Variants in NRG1 observed in about 807,000 individuals in gnomAD.
NRG1 encodes pro-neuregulin-1, membrane-bound isoform.
NRG1 carries 18 observed loss-of-function variants against 63.8 expected under a neutral mutation model. The observed-to-expected ratio is 0.28, with a 90% CI of 0.19 to 0.42. NRG1 has a LOEUF of 0.42. NRG1 is among the 10% of genes least tolerant of loss of function. NRG1 has a pLI of 1.00. For missense variants in NRG1, 762 were observed against 814.7 expected (o/e 0.94, Z 0.79); for synonymous variants, 302 against 301.3 (o/e 1.00, Z -0.02).
At chr8:31,729,518 G>A (rs2131345914) in intron 1 of NRG1, among the ~76,000 whole-genome samples, 1 of 152,136 alleles carries the variant, frequency 6.6e-6, no homozygotes, top group South Asian at 2.1e-4. Context: ...ACCACTGAAT[G>A]TAAACAAGCT....
chr8:31,780,102 G>C (rs1473553458), intron 1 of NRG1, among the ~76,000 whole-genome samples: 1 of 152,180 alleles, frequency 6.6e-6, no homozygotes, highest in Non-Finnish European at 1.5e-5. Flanking sequence ...CTGATGATGA[G>C]TCTTTATAAA....
chr8:32,696,650 A>AT (rs1813369464), intron 5 of NRG1, among the ~76,000 whole-genome samples: 1 of 139,966 alleles, frequency 7.1e-6, no homozygotes, highest in Non-Finnish European at 1.5e-5. Context: ...ATACAATATA[A>AT]TCTATCTTTT....
intron 1 of NRG1, among the ~76,000 whole-genome samples, chr8:32,257,675 T>C (rs1215865213): frequency 6.6e-6 from 1 of 152,164 alleles, no homozygotes; most frequent in Non-Finnish European, 1.5e-5. Flanking sequence ...AACTCTTGAT[T>C]TCCACTCCTA....
At chr8:32,721,152 C>G (rs890927299) in intron 5 of NRG1, among the ~76,000 whole-genome samples, 33 of 152,280 alleles carry the variant, frequency 2.2e-4, no homozygotes, top group African/African-American at 7.9e-4. Flanking sequence ...CCCCTGTGCA[C>G]TTTTGTGAAT....
At chr8:32,153,924 T>G (rs1482739581) in intron 1 of NRG1, among the ~76,000 whole-genome samples, 3 of 152,196 alleles carry the variant, frequency 2.0e-5, no homozygotes, top group Admixed American at 6.5e-5. Flanking sequence ...CCCTGACTAT[T>G]GAGCTTCCCG....
chr8:32,604,585 C>T (rs1047127438), intron 2 of NRG1, among the ~76,000 whole-genome samples: 5 of 152,052 alleles, frequency 3.3e-5, no homozygotes, highest in African/African-American at 1.2e-4. Context: ...AGATAGGGGT[C>T]TCACCCTGCT....
At chr8:32,721,753 T>C in intron 5 of NRG1, 3 of 1,085,666 alleles carry the variant, frequency 2.8e-6, no homozygotes, top group Non-Finnish European at 3.5e-6. Context: ...TGAGCCTGGC[T>C]CTGAACCTTT....
At chr8:31,777,019 C>T (rs1429421841) in intron 1 of NRG1, among the ~76,000 whole-genome samples, 3 of 152,122 alleles carry the variant, frequency 2.0e-5, no homozygotes, top group Non-Finnish European at 4.4e-5. Context: ...ACTAGAAATA[C>T]ACGTATGTTT....
intron 1 of NRG1, among the ~76,000 whole-genome samples, chr8:32,140,553 C>T (rs1836116233): frequency 6.6e-6 from 1 of 151,898 alleles, no homozygotes; most frequent in Admixed American, 6.6e-5. Context: ...GTCTCAAGCT[C>T]CTGGGTCAAG....
chr8:32,653,415 T>C (rs577918461), intron 5 of NRG1, among the ~76,000 whole-genome samples: 3 of 152,138 alleles, frequency 2.0e-5, no homozygotes, highest in African/African-American at 7.2e-5. Flanking sequence ...TTAATATGTT[T>C]TCTTCTCCAT....
chr8:32,177,464 A>C (rs1840913784), intron 1 of NRG1, among the ~76,000 whole-genome samples: 1 of 152,042 alleles, frequency 6.6e-6, no homozygotes, highest in African/African-American at 2.4e-5. Context: ...TGTACCCTAA[A>C]ACTTAAATTA....
intron 5 of NRG1, among the ~76,000 whole-genome samples, chr8:32,653,320 T>G (rs1855558176): frequency 6.6e-6 from 1 of 152,224 alleles, no homozygotes; most frequent in South Asian, 2.1e-4. Context: ...TTTCTTGCTT[T>G]CTTATACATA....
rs1847107403 is a variant in NRG1, at chr8:32,615,082, G to C, written c.451+518G>C. On this transcript the variant is annotated intron_variant, in intron 4 of 11. Transcript: ENST00000356819. ...AAATGCTGTTGTCTTTGTTTTGGTT[G>C]GTTTCTCACTTGCCTGTAGTATTTG... Among the ~76,000 whole-genome samples the C allele has an allele frequency of 2.6e-5, 4 of 152,104 alleles. No individual in the cohort carries two copies. The South Asian group carries it at 8.3e-4, about 32-fold the overall frequency.
chr8:32,088,681 C>G (rs1191931741), intron 1 of NRG1, among the ~76,000 whole-genome samples: 1 of 151,992 alleles, frequency 6.6e-6, no homozygotes, highest in Admixed American at 6.5e-5. Flanking sequence ...CCATGCCCAG[C>G]TAATTTTTTT....
chr8:31,947,796 A>C (rs1004359624), intron 1 of NRG1, among the ~76,000 whole-genome samples: 4 of 151,954 alleles, frequency 2.6e-5, no homozygotes, highest in Non-Finnish European at 4.4e-5. Context: ...ATACAAAAAA[A>C]TTAACTGGGT....
intron 1 of NRG1, among the ~76,000 whole-genome samples, chr8:31,918,827 G>A (rs1198399354): frequency 1.1e-5 from 1 of 92,930 alleles, no homozygotes; most frequent in Non-Finnish European, 2.2e-5. Flanking sequence ...GAATCCATCT[G>A]GTCCTGGACT....
chr8:32,269,069 T>A (rs1178316728), intron 1 of NRG1, among the ~76,000 whole-genome samples: 3 of 152,060 alleles, frequency 2.0e-5, no homozygotes, highest in Non-Finnish European at 4.4e-5. Flanking sequence ...TCCTTCCCTC[T>A]CTTTTCCTCT....
intron 1 of NRG1, among the ~76,000 whole-genome samples, chr8:31,760,766 C>A (rs1008873572): frequency 1.3e-5 from 2 of 152,122 alleles, no homozygotes; most frequent in African/African-American, 2.4e-5. Flanking sequence ...CATCTCACAC[C>A]AGTTAGAATG....
intron 6 of NRG1, among the ~76,000 whole-genome samples, chr8:32,730,661 G>A (rs905760320): frequency 6.6e-6 from 1 of 152,116 alleles, no homozygotes; most frequent in African/African-American, 2.4e-5. Context: ...GACTTGCTGT[G>A]AATACAGCAC....
Sources: gnomAD v4.1 joint callset for allele counts (sites outside exome capture counted in the v4.1 genomes callset) on GRCh38, gnomAD v4.1.1 for gene constraint, MANE v1.5 for transcripts, NCBI Gene and HGNC (gene_info 2026-07-23, HGNC 2026-07-21) for gene names.